Variants in SLC4A10 observed in about 807,000 individuals in gnomAD.
SLC4A10 encodes solute carrier family 4 member 10.
In SLC4A10, 42 loss-of-function variants were observed where a neutral mutation model predicts 137.7. The ratio of observed to expected loss-of-function variants is 0.30; its 90% CI spans 0.24 to 0.39. The LOEUF (loss-of-function observed/expected upper bound fraction) is 0.39, where lower values mean the gene tolerates loss of function less well. SLC4A10 is among the 10% of genes least tolerant of loss of function. SLC4A10 has a pLI of 1.00. For missense variants in SLC4A10, 925 were observed against 1,355.0 expected, an observed-to-expected ratio of 0.68 and a Z score of 4.98; for synonymous variants, 474 against 464.1, an observed-to-expected ratio of 1.02 and a Z score of -0.27.
At position 161,906,002 on chromosome 2, in the gene SLC4A10, A is replaced by G. The variant is rs959762791; in HGVS notation, c.1997+115A>G. On this transcript the variant is annotated intron_variant, in intron 15 of 26. Coordinates refer to ENST00000446997, the MANE Select transcript of SLC4A10 (RefSeq NM_001178015.2). Reference sequence around the variant, plus strand: ...AGAATGTGCCTTAAGTTGATTCATGACCTAAATCCTGACTCTCAGAGTCGA... The same window carrying G: ...AGAATGTGCCTTAAGTTGATTCATGGCCTAAATCCTGACTCTCAGAGTCGA... 9 of 1,327,902 alleles carry G rather than the reference A, an allele frequency of 6.8e-6. No individual in the cohort carries two copies. The Admixed American group carries it at 2.9e-4, about 43-fold the overall frequency. 82.3% of individuals were successfully genotyped at this position (1,327,902 alleles called of 1,614,324 possible).
rs1312868002 is a variant in SLC4A10 at position 161,942,885 on chromosome 2, C to G, written c.2091C>G (p.Asn697Lys). Reference sequence around the variant, plus strand: ...CTGCCTCTGACATAATTTGGGAGAACCTAACTGTGTCAGTAAGTAAAACAC... The same window carrying G: ...CTGCCTCTGACATAATTTGGGAGAAGCTAACTGTGTCAGTAAGTAAAACAC... ...NISASDIIWE[N>K]LTVSECKSLH... is the part of the protein sequence containing the mutation. The change falls in exon 16 of 27, where the codon AAC becomes AAG. Residue 697 changes from asparagine to lysine, a missense_variant. By Grantham distance (94) the Asn-to-Lys change is moderately conservative. Around this residue, in one of 11 missense-constraint regions of SLC4A10, gnomAD observed 91 missense variants for 95.6 expected, o/e 0.95. Transcript: ENST00000446997. The G allele has an allele frequency of 6.3e-7, 1 of 1,592,780 alleles. No individual in the cohort carries two copies. The highest frequency in any genetic ancestry group is 8.6e-7 in the Non-Finnish European group (1 of 1,168,780).
chr2:161,904,946 C>A (rs1285699609), intron 14 of SLC4A10, 37 bp downstream of exon 14: 10 of 1,605,254 alleles, frequency 6.2e-6, no homozygotes, highest in Non-Finnish European at 8.5e-6. Flanking sequence ...TAGCCTCTTC[C>A]TTTTTTCTTT....
intron 2 of SLC4A10, among the ~76,000 whole-genome samples, chr2:161,797,443 A>G (rs866216029): frequency 1.3e-5 from 2 of 152,056 alleles, no homozygotes; most frequent in Non-Finnish European, 2.9e-5. Flanking sequence ...CATTTGCCTC[A>G]TTACAGGTTG....
intron 23 of SLC4A10, among the ~76,000 whole-genome samples, chr2:161,973,855 G>C (rs1698961418): frequency 6.6e-6 from 1 of 152,144 alleles, no homozygotes; most frequent in African/African-American, 2.4e-5. Flanking sequence ...ACTGTTCTGA[G>C]TACATCCCTC....
At chr2:161,796,659 T>C (rs892241265) in intron 2 of SLC4A10, among the ~76,000 whole-genome samples, 2 of 152,218 alleles carry the variant, frequency 1.3e-5, no homozygotes, top group Non-Finnish European at 2.9e-5. Context: ...CCACATTATC[T>C]ATGTATTTTT....
intron 23 of SLC4A10, among the ~76,000 whole-genome samples, chr2:161,968,958 C>A (rs1459167435): frequency 6.6e-6 from 1 of 152,138 alleles, no homozygotes; most frequent in East Asian, 1.9e-4. Context: ...TATACTAAGG[C>A]CCAGTCTTCT....
chr2:161,922,332 T>G (rs1057360345), intron 15 of SLC4A10, among the ~76,000 whole-genome samples: 1 of 152,158 alleles, frequency 6.6e-6, no homozygotes, highest in Non-Finnish European at 1.5e-5. Flanking sequence ...TAATATATTA[T>G]GGTTATATAC....
At chr2:161,907,055 C>CAAAAAAAAAAAAAA (rs556899761) in intron 15 of SLC4A10, among the ~76,000 whole-genome samples, 1 of 90,886 alleles carries the variant, frequency 1.1e-5, no homozygotes, top group African/African-American at 4.0e-5. Context: ...GACTCCGTCT[C>CAAAAAAAAAAAAAA]AAAAAAAAAA....
intron 3 of SLC4A10, among the ~76,000 whole-genome samples, chr2:161,828,216 T>C (rs1446683627): frequency 1.3e-5 from 2 of 152,224 alleles, no homozygotes; most frequent in African/African-American, 4.8e-5. Context: ...CATTACATGA[T>C]GCAAACTAGT....
chr2:161,831,019 G>GTAGA (rs1007264281), intron 3 of SLC4A10, among the ~76,000 whole-genome samples: 5 of 152,120 alleles, frequency 3.3e-5, no homozygotes, highest in African/African-American at 1.2e-4. Flanking sequence ...TAAGCAGAGA[G>GTAGA]TAGATGTCTA....
At chr2:161,965,239 C>A in intron 23 of SLC4A10, 66 bp downstream of exon 23, 1 of 1,485,168 alleles carries the variant, frequency 6.7e-7, no homozygotes, top group Non-Finnish European at 9.1e-7. Flanking sequence ...CTTTGCAAAA[C>A]TAAATTATTG....
At chr2:161,934,704 A>C (rs1691257833) in intron 15 of SLC4A10, among the ~76,000 whole-genome samples, 1 of 151,998 alleles carries the variant, frequency 6.6e-6, no homozygotes, top group Admixed American at 6.6e-5. Context: ...TGGTGATTTG[A>C]GCATTTTTTC....
At chr2:161,863,120 C>A (rs1215184477) in intron 6 of SLC4A10, 58 bp downstream of exon 6, 71 of 1,420,544 alleles carry the variant, frequency 5.0e-5, no homozygotes, top group Non-Finnish European at 6.5e-5. Flanking sequence ...CATATCAAAG[C>A]GCTTCTAAAT....
chr2:161,641,762 A>G (rs934756174), intron 1 of SLC4A10, among the ~76,000 whole-genome samples: 1 of 152,074 alleles, frequency 6.6e-6, no homozygotes, highest in South Asian at 2.1e-4. Context: ...AGTAAAGACC[A>G]TTTGTGTAAT....
chr2:161,724,451 C>T (rs1168195742), intron 1 of SLC4A10, among the ~76,000 whole-genome samples: 1 of 152,188 alleles, frequency 6.6e-6, no homozygotes, highest in Non-Finnish European at 1.5e-5. Context: ...ACCACTTATT[C>T]ATTTGCTGAA....
chr2:161,940,699 T>A lies in SLC4A10; in HGVS notation c.1998-2093T>A, dbSNP rs548356824. ...TGGTGGAAAGCAATTAAGGGGAGGT[T>A]GGTAGCTTCGTGAAAGAGACAAGCT... On this transcript the variant is annotated intron_variant, in intron 15 of 26. Transcript: ENST00000446997. 1.3e-3 allele frequency among the ~76,000 whole-genome samples: 200 copies of A among 152,304 alleles called. 2 individuals are homozygous for A. The highest frequency in any genetic ancestry group is 2.6e-3 in the Non-Finnish European group (175 of 68,022).
At chr2:161,855,369 C>T (rs577389321) in intron 5 of SLC4A10, among the ~76,000 whole-genome samples, 150 of 152,164 alleles carry the variant, frequency 9.9e-4, no homozygotes, top group Non-Finnish European at 1.8e-3. Context: ...TATCTTGATT[C>T]CCATTCACCA....
intron 2 of SLC4A10, among the ~76,000 whole-genome samples, chr2:161,792,150 A>G (rs2054277429): frequency 6.6e-6 from 1 of 152,098 alleles, no homozygotes; most frequent in South Asian, 2.1e-4. Context: ...GTGACATGAC[A>G]TGTTTTCTGT....
intron 8 of SLC4A10, among the ~76,000 whole-genome samples, chr2:161,877,732 C>T (rs970053035): frequency 6.6e-6 from 1 of 151,894 alleles, no homozygotes; most frequent in Non-Finnish European, 1.5e-5. Context: ...ATTTGGAGTA[C>T]ATTTGTAGCT....
Sources: gnomAD v4.1 joint callset for allele counts (sites outside exome capture counted in the v4.1 genomes callset) on GRCh38, gnomAD v4.1.1 for gene constraint, gnomAD v4.1.1 regional missense constraint, MANE v1.5 for transcripts, NCBI Gene and HGNC (gene_info 2026-07-23, HGNC 2026-07-21) for gene names.